SPATA1: variants seen among roughly 807,000 people sequenced by gnomAD.
SPATA1 encodes spermatogenesis-associated protein 1.
In SPATA1, 57 loss-of-function variants were observed where a neutral mutation model predicts 59.6. The ratio of observed to expected loss-of-function variants is 0.96; its 90% CI spans 0.77 to 1.19. The LOEUF (loss-of-function observed/expected upper bound fraction) is 1.19. Ranked by LOEUF, SPATA1 falls within the 50% of genes most tolerant of loss-of-function variation. SPATA1 has a pLI of 0.00. For synonymous variants in SPATA1, 147 were observed against 163.9 expected (o/e 0.90, Z 0.79); for missense variants, 448 against 480.7 (o/e 0.93, Z 0.64).
At chr1:84,516,722 C>T (rs1363086299) in intron 2 of SPATA1, among the ~76,000 whole-genome samples, 1 of 152,158 alleles carries the variant, frequency 6.6e-6, no homozygotes, top group Admixed American at 6.5e-5. Context: ...TTTTTGACTC[C>T]TTGCCCCTCT....
At position 84,539,817 on chromosome 1, in the gene SPATA1, G is replaced by A. The variant is rs560396969; in HGVS notation, c.718-4385G>A. ...ATTTTTTCCACATTCTCTATGTCTC[G>A]GACTGAGAATGGTATGTTAGAATCT... On this transcript the variant is annotated intron_variant, in intron 8 of 12. Coordinates refer to ENST00000490879, the Ensembl canonical transcript of SPATA1. 5.3e-5 allele frequency among the ~76,000 whole-genome samples: 8 copies of A among 152,000 alleles called. No individual in the cohort carries two copies. In the South Asian group the frequency reaches 1.0e-3, roughly 20 times the overall value.
intron 6 of SPATA1, among the ~76,000 whole-genome samples, chr1:84,527,023 A>C (rs1369185736): frequency 6.6e-6 from 1 of 152,196 alleles, no homozygotes; most frequent in African/African-American, 2.4e-5. Context: ...CTCACTGAGC[A>C]TCTAACGGGT....
rs572419779 is a variant in SPATA1, at chr1:84,521,360, T to G, written c.143+669T>G. ...CAAAAAGACACATAATACCATGTGA[T>G]CTGACTGCCTGTTGTTACTCCTTAC... is the stretch of plus-strand genomic sequence containing the variant. On this transcript the variant is annotated intron_variant, in intron 3 of 12. Coordinates refer to ENST00000490879, the Ensembl canonical transcript of SPATA1. Among the ~76,000 whole-genome samples, 14 of 152,332 alleles carry G rather than the reference T, an allele frequency of 9.2e-5. No homozygotes were observed. In the South Asian group the frequency reaches 1.4e-3, roughly 16 times the overall value.
chr1:84,512,098 A>T (rs746194325), intron 1 of SPATA1, among the ~76,000 whole-genome samples: 1 of 152,202 alleles, frequency 6.6e-6, no homozygotes, highest in Non-Finnish European at 1.5e-5. Context: ...ACATATACAT[A>T]ATCTGAATTT....
downstream of SPATA1, chr1:84,554,900 C>G (rs534701919): frequency 1.1e-6 from 1 of 884,262 alleles, no homozygotes; most frequent in Non-Finnish European, 1.7e-6. Context: ...TTTTAGTATA[C>G]GGATAACAAA....
exon 13 of SPATA1, chr1:84,553,096 AAAT>A (rs767221016): frequency 2.0e-6 from 3 of 1,524,524 alleles, no homozygotes; most frequent in African/African-American, 2.8e-5. Flanking sequence ...CAGAAAAAAA[AAAT>A]AATACATCTC....
chr1:84,565,516 A>G (rs774505568), intron 4 of SPATA1, among the ~76,000 whole-genome samples: 4 of 152,204 alleles, frequency 2.6e-5, no homozygotes, highest in Non-Finnish European at 5.9e-5. Context: ...CATGACAAGA[A>G]TATCAGACCA....
At chr1:84,556,229 G>T (rs1330626205), downstream of SPATA1, among the ~76,000 whole-genome samples, 1 of 152,010 alleles carries the variant, frequency 6.6e-6, no homozygotes, top group African/African-American at 2.4e-5. Flanking sequence ...AAAGGAAAAG[G>T]GAAAGGAGCA....
chr1:84,534,668 A>C (rs759264145), intron 8 of SPATA1, among the ~76,000 whole-genome samples: 1 of 152,132 alleles, frequency 6.6e-6, no homozygotes, highest in Non-Finnish European at 1.5e-5. Flanking sequence ...GCATTTACTG[A>C]GCCAATCACT....
At chr1:84,563,382 C>T (rs1462957389) in intron 4 of SPATA1, 1 of 1,576,872 alleles carries the variant, frequency 6.3e-7, no homozygotes, top group Non-Finnish European at 8.6e-7. Flanking sequence ...CAAGGAGCCC[C>T]CCGGAAAGGG....
intron 6 of SPATA1, among the ~76,000 whole-genome samples, chr1:84,529,930 C>T (rs1336306384): frequency 6.6e-6 from 1 of 151,702 alleles, no homozygotes; most frequent in East Asian, 1.9e-4. Context: ...AATCTCGCCT[C>T]ACTGCAACTT....
chr1:84,551,871 G>A (rs569553216), intron 12 of SPATA1: 3 of 152,172 alleles, frequency 2.0e-5, no homozygotes, highest in African/African-American at 7.2e-5. Context: ...TGCCCCCAGA[G>A]GCTTGGATTA....
At chr1:84,564,561 T>C (rs1485671439) in intron 4 of SPATA1, among the ~76,000 whole-genome samples, 1 of 152,202 alleles carries the variant, frequency 6.6e-6, no homozygotes, top group African/African-American at 2.4e-5. Context: ...TTATTTATGA[T>C]ACAAAGTATC....
chr1:84,512,005 T>TAG (rs1273393003), intron 1 of SPATA1, among the ~76,000 whole-genome samples: 2 of 152,124 alleles, frequency 1.3e-5, no homozygotes, highest in Non-Finnish European at 1.5e-5. Flanking sequence ...TTTAATCTGT[T>TAG]TACCTAAGAC....
At chr1:84,531,399 G>C (rs897241275) in intron 6 of SPATA1, among the ~76,000 whole-genome samples, 3 of 151,890 alleles carry the variant, frequency 2.0e-5, no homozygotes, top group Admixed American at 6.6e-5. Context: ...CTGACCTCAA[G>C]TGATCCACCC....
intron 6 of SPATA1, among the ~76,000 whole-genome samples, chr1:84,528,483 A>G (rs1329803966): frequency 6.6e-6 from 1 of 152,156 alleles, no homozygotes; most frequent in African/African-American, 2.4e-5. Flanking sequence ...AATTTTATTT[A>G]TGTATATCAT....
intron 2 of SPATA1, among the ~76,000 whole-genome samples, chr1:84,519,091 A>T (rs1370912961): frequency 2.0e-5 from 3 of 152,064 alleles, no homozygotes; most frequent in Non-Finnish European, 4.4e-5. Context: ...AGGGGCTACC[A>T]AAAAATTTTT....
Position 84,506,798 on chromosome 1 carries a change from G to C in SPATA1, c.-138+380G>C, listed in dbSNP as rs560662724. On this transcript the variant is annotated intron_variant, in intron 1 of 12. Transcript: ENST00000490879. Reference sequence around the variant, plus strand: ...GGAGCCGGGCGGGCGGGGAGCAGGGGCGCTGATTCGCTGGAGAAGGGATCT... The same window carrying C: ...GGAGCCGGGCGGGCGGGGAGCAGGGCCGCTGATTCGCTGGAGAAGGGATCT... The C allele has an allele frequency of 2.6e-3, 389 of 152,474 alleles. 1 individual carries two copies. The highest frequency in any genetic ancestry group is 4.5e-3 in the Non-Finnish European group (305 of 68,146). The allele number at this position is 152,474 out of a possible 1,614,324, so 9.4% of individuals were successfully genotyped here. A position where few individuals can be genotyped will look rare whatever the true frequency, so the allele number is the denominator to read the frequency against.
rs750617237 is a variant in SPATA1 at position 84,563,791 on chromosome 1, G to A, written n.443-2070G>A. 7.5e-6 allele frequency: 12 copies of A among 1,608,892 alleles called. No individual in the cohort carries two copies. In the East Asian group the frequency reaches 2.7e-4, roughly 36 times the overall value. ...CCATACCAAGGAACACCCATTACAA[G>A]TTTCTTAGGATTAATGCTCATCTTG... On this transcript the variant is annotated intron_variant and non_coding_transcript_variant, in intron 4 of 4. Coordinates refer to the SPATA1 transcript ENST00000460286.
Sources: allele counts gnomAD v4.1 joint callset (sites outside exome capture counted in the v4.1 genomes callset), GRCh38; gene constraint gnomAD v4.1.1; transcripts MANE v1.5; gene names NCBI Gene and HGNC (gene_info 2026-07-23, HGNC 2026-07-21).